Variants in TTC6 observed in about 807,000 individuals in gnomAD.
TTC6 encodes the protein tetratricopeptide repeat domain 6, also known as tetratricopeptide repeat protein 6.
A neutral mutation model predicts 210.4 loss-of-function variants in TTC6; 172 were observed. That is an observed-to-expected ratio of 0.82 (90% CI 0.72 to 0.93). The LOEUF (loss-of-function observed/expected upper bound fraction) is 0.93, where lower values mean the gene tolerates loss of function less well. Ranked by LOEUF, TTC6 falls within the 40% of genes least tolerant of loss-of-function variation. The pLI is 0.00. For missense variants in TTC6, 2,414 were observed against 2,318.1 expected, an observed-to-expected ratio of 1.04 and a Z score of -0.85; for synonymous variants, 804 against 819.6, an observed-to-expected ratio of 0.98 and a Z score of 0.32.
chr14:37,714,946 G>T, intron 6 of TTC6, 150 bp downstream of exon 8: 1 of 703,594 alleles, frequency 1.4e-6, no homozygotes, highest in South Asian at 2.3e-5. Flanking sequence ...GGGAGGACAT[G>T]GCGAGAGGAT....
chr14:37,647,059 A>C (rs1345332602), intron 1 of TTC6, among the ~76,000 whole-genome samples: 1 of 152,132 alleles, frequency 6.6e-6, no homozygotes, highest in Non-Finnish European at 1.5e-5. Context: ...GCACTTTCTC[A>C]TTCTAGCAAC....
chr14:37,609,511 C>G (rs1377387867), intron 2 of TTC6, among the ~76,000 whole-genome samples: 1 of 152,164 alleles, frequency 6.6e-6, no homozygotes, highest in Admixed American at 6.5e-5. Flanking sequence ...TCCTTAATCT[C>G]TTTGTACAAT....
At chr14:37,705,416 C>A (rs2095833579) in intron 5 of TTC6, among the ~76,000 whole-genome samples, 5 of 152,048 alleles carry the variant, frequency 3.3e-5, no homozygotes, top group Admixed American at 3.3e-4. Flanking sequence ...AACAATTACT[C>A]AAAATCTTGC....
At chr14:37,675,238 C>T (rs2095766525) in intron 1 of TTC6, among the ~76,000 whole-genome samples, 1 of 151,970 alleles carries the variant, frequency 6.6e-6, no homozygotes, top group Admixed American at 6.6e-5. Context: ...TTCCCTATAC[C>T]CCACAGGCCC....
intron 1 of TTC6, among the ~76,000 whole-genome samples, chr14:37,655,131 T>C (rs2095719617): frequency 6.6e-6 from 1 of 152,186 alleles, no homozygotes; most frequent in Non-Finnish European, 1.5e-5. Context: ...GCTTGTCCAG[T>C]GTAGCAGGCC....
At chr14:37,806,447 C>G (rs1229181289) in exon 22 of TTC6, 2 of 1,535,572 alleles carry the variant, frequency 1.3e-6, no homozygotes, top group Non-Finnish European at 1.7e-6. Context: ...AAGTGAAACT[C>G]CACAAGGATA....
intron 1 of TTC6, among the ~76,000 whole-genome samples, chr14:37,628,951 G>T (rs1330665746): frequency 6.6e-6 from 1 of 152,128 alleles, no homozygotes; most frequent in Non-Finnish European, 1.5e-5. Context: ...CCTCTGTTCT[G>T]TTCCATTGGT....
At position 37,753,086 on chromosome 14, in the gene TTC6, G is replaced by T. The variant is rs4901176; in HGVS notation, c.3130-13G>T. The stretch of plus-strand genomic sequence containing the variant: ...ATTTTGTGATGTTTATGTACCTCCC[G>T]CTGTCCCTATAGTGTATTTTTTATG... On this transcript the variant is annotated splice_polypyrimidine_tract_variant and intron_variant, in intron 13 of 30. Transcript: ENST00000553443. 1.2e-5 allele frequency: 18 copies of T among 1,520,224 alleles called. No individual in the cohort carries two copies. The African/African-American group carries it at 1.5e-4, about 13-fold the overall frequency. The allele number at this position is 1,520,224 out of a possible 1,614,324, so 94.2% of individuals were successfully genotyped here.
At chr14:37,708,052 A>G (rs531296664) in intron 5 of TTC6, among the ~76,000 whole-genome samples, 3 of 152,154 alleles carry the variant, frequency 2.0e-5, no homozygotes, top group South Asian at 4.1e-4. Flanking sequence ...CGGGTTTTCT[A>G]TATGGTAGAT....
intron 1 of TTC6, among the ~76,000 whole-genome samples, chr14:37,642,690 C>G (rs1342194537): frequency 1.3e-5 from 2 of 152,112 alleles, no homozygotes; most frequent in East Asian, 3.9e-4. Flanking sequence ...AGAAATGTGT[C>G]ATTAGGTGAT....
chr14:37,815,177 G>A lies in TTC6; in HGVS notation c.4690-2401G>A, dbSNP rs527345995. Among the ~76,000 whole-genome samples the A allele has an allele frequency of 2.0e-5, 3 of 152,274 alleles. No individual in the cohort carries two copies. The South Asian group carries it at 6.2e-4, about 32-fold the overall frequency. ...TCAAACTGCCATTCTCGATCTAAAT[G>A]CCTCAAACTTAAATATAAATGGGTA... On this transcript the variant is annotated intron_variant, in intron 25 of 30. Coordinates refer to ENST00000553443, the Ensembl canonical transcript of TTC6.
intron 1 of TTC6, among the ~76,000 whole-genome samples, chr14:37,650,352 C>T (rs2095708999): frequency 6.6e-6 from 1 of 152,142 alleles, no homozygotes; most frequent in Non-Finnish European, 1.5e-5. Flanking sequence ...ATTTTTGTTT[C>T]CTCCTCCTCA....
chr14:37,745,536 C>T (rs899868507), intron 10 of TTC6, among the ~76,000 whole-genome samples: 7 of 152,036 alleles, frequency 4.6e-5, no homozygotes, highest in South Asian at 2.1e-4. Context: ...CAGTTTATTC[C>T]GTTATTACAT....
intron 6 of TTC6, among the ~76,000 whole-genome samples, chr14:37,717,568 C>T (rs376929974): frequency 1.3e-5 from 2 of 151,920 alleles, no homozygotes; most frequent in Admixed American, 6.6e-5. Context: ...TAGAACATTC[C>T]CCTTCTCCCA....
At chr14:37,767,182 C>T (rs553467894) in intron 14 of TTC6, among the ~76,000 whole-genome samples, 107 of 152,280 alleles carry the variant, frequency 7.0e-4, no homozygotes, top group African/African-American at 2.4e-3. Flanking sequence ...GCCACATTTT[C>T]TTAATCCAGT....
intron 4 of TTC6, among the ~76,000 whole-genome samples, chr14:37,698,354 A>C (rs1334392416): frequency 1.3e-5 from 2 of 152,192 alleles, no homozygotes; most frequent in African/African-American, 4.8e-5. Context: ...TAATGGGTGC[A>C]TGGGAATTCA....
chr14:37,795,394 A>C, intron 18 of TTC6, 42 bp downstream of exon 20: 1 of 1,343,328 alleles, frequency 7.4e-7, no homozygotes, highest in Admixed American at 2.3e-5. Flanking sequence ...ATAACTTAGC[A>C]TCAGAGAAAT....
chr14:37,775,402 A>T (rs1289246949), intron 14 of TTC6, among the ~76,000 whole-genome samples: 2 of 152,198 alleles, frequency 1.3e-5, no homozygotes, highest in African/African-American at 2.4e-5. Context: ...CGTTAGCTGT[A>T]TCCCAGAGAT....
At chr14:37,733,327 G>A (rs534978920) in intron 7 of TTC6, among the ~76,000 whole-genome samples, 7 of 150,180 alleles carry the variant, frequency 4.7e-5, no homozygotes, top group African/African-American at 1.5e-4. Flanking sequence ...TTTTTTCCTC[G>A]CATGTCAGAC....
Sources: gnomAD v4.1 joint callset for allele counts (sites outside exome capture counted in the v4.1 genomes callset) on GRCh38, gnomAD v4.1.1 for gene constraint, MANE v1.5 for transcripts, NCBI Gene and HGNC (gene_info 2026-07-23, HGNC 2026-07-21) for gene names.